The following PCNX2 variants were observed in gnomAD, a reference collection of about 807,000 sequenced individuals.
The protein encoded by PCNX2 is pecanex-like protein 2.
Under a neutral mutation model 223.8 loss-of-function variants are expected in PCNX2, and 168 were observed. The observed-to-expected ratio is 0.75, with a 90% CI of 0.66 to 0.85. PCNX2 has a LOEUF of 0.85. Ranked by LOEUF, PCNX2 falls within the 40% of genes least tolerant of loss-of-function variation. PCNX2 has a pLI of 0.00. For synonymous variants in PCNX2, 1,006 were observed against 1,052.6 expected (o/e 0.96, Z 0.86); for missense variants, 2,507 against 2,675.5 (o/e 0.94, Z 1.39).
intron 21 of PCNX2, among the ~76,000 whole-genome samples, chr1:233,118,668 G>A (rs1046509357): frequency 6.6e-6 from 1 of 151,980 alleles, no homozygotes; most frequent in South Asian, 2.1e-4. Flanking sequence ...CAAAACTTGT[G>A]CAGAATTTAT....
At chr1:233,102,862 T>C (rs1025523915) in intron 21 of PCNX2, among the ~76,000 whole-genome samples, 3 of 152,184 alleles carry the variant, frequency 2.0e-5, no homozygotes, top group African/African-American at 7.2e-5. Flanking sequence ...AGAAGCTTTT[T>C]AGCTTGATAT....
chr1:233,158,828 A>G (rs1678286626), intron 19 of PCNX2, among the ~76,000 whole-genome samples: 1 of 152,190 alleles, frequency 6.6e-6, no homozygotes, highest in African/African-American at 2.4e-5. Flanking sequence ...TTTGAATGAA[A>G]GGGAAATATA....
intron 23 of PCNX2, chr1:233,057,843 G>C: frequency 1.0e-6 from 1 of 952,742 alleles, no homozygotes; most frequent in Non-Finnish European, 1.2e-6. Flanking sequence ...CTGGGTGACA[G>C]AGCAAGACTC....
intron 1 of PCNX2, among the ~76,000 whole-genome samples, chr1:233,267,289 C>A (rs574754015): frequency 6.6e-6 from 1 of 152,258 alleles, no homozygotes; most frequent in African/African-American, 2.4e-5. Flanking sequence ...CCATTGCACT[C>A]TAGCCTGGGC....
chr1:233,208,219 G>A (rs1291134981), intron 13 of PCNX2, among the ~76,000 whole-genome samples: 2 of 152,110 alleles, frequency 1.3e-5, no homozygotes, highest in Admixed American at 6.5e-5. Context: ...TCGGCCTCCC[G>A]AAGTGCTAGG....
chr1:233,057,497 G>C (rs1332674965), intron 23 of PCNX2: 3 of 536,182 alleles, frequency 5.6e-6, no homozygotes, highest in Non-Finnish European at 1.0e-5. Context: ...ACATGGAAGG[G>C]AGAGATGAGT....
intron 15 of PCNX2, among the ~76,000 whole-genome samples, chr1:233,191,465 A>C (rs910784264): frequency 7.9e-5 from 12 of 152,322 alleles, no homozygotes; most frequent in Admixed American, 6.5e-4. Context: ...TGGCATCAAG[A>C]ACATCAAGAA....
intron 15 of PCNX2, among the ~76,000 whole-genome samples, chr1:233,193,312 A>G (rs988229665): frequency 4.6e-5 from 7 of 152,070 alleles, no homozygotes; most frequent in African/African-American, 1.7e-4. Flanking sequence ...GAAAAATTAA[A>G]TCATATTATG....
At position 233,172,580 on chromosome 1, in the gene PCNX2, T is replaced by C. The variant is rs551134690; in HGVS notation, c.3273+5222A>G. On this transcript the variant is annotated intron_variant, in intron 17 of 33. Transcript: ENST00000258229. Reference sequence around the variant, plus strand: ...GGTGTCCCAGGCTGATGATCCATGGTCTGGCATTGGACACCCACCTGGGCT... The same window carrying C: ...GGTGTCCCAGGCTGATGATCCATGGCCTGGCATTGGACACCCACCTGGGCT... The C allele has an allele frequency of 2.9e-4, 288 of 981,718 alleles. 3 individuals are homozygous for C. In the South Asian group the frequency reaches 4.7e-3, roughly 16 times the overall value. 60.8% of individuals were successfully genotyped at this position (981,718 alleles called of 1,614,324 possible). A position where few individuals can be genotyped will look rare whatever the true frequency, so the allele number is the denominator to read the frequency against.
chr1:233,201,285 A>G (rs1439200028), intron 13 of PCNX2, among the ~76,000 whole-genome samples: 1 of 152,054 alleles, frequency 6.6e-6, no homozygotes, highest in Non-Finnish European at 1.5e-5. Flanking sequence ...TTTTGTTGTG[A>G]TAATTTTTGT....
At chr1:233,199,516 G>A (rs1334377571) in intron 14 of PCNX2, among the ~76,000 whole-genome samples, 1 of 151,968 alleles carries the variant, frequency 6.6e-6, no homozygotes, top group African/African-American at 2.4e-5. Context: ...TTATGCACAT[G>A]ATTTCATTTA....
chr1:233,318,218 G>T, the PCNX2 span, among the ~76,000 whole-genome samples: 1 of 152,050 alleles, frequency 6.6e-6, no homozygotes, highest in Non-Finnish European at 1.5e-5. Context: ...GAAAGGTTTG[G>T]GGAAAAATAA....
intron 17 of PCNX2, among the ~76,000 whole-genome samples, chr1:233,165,897 C>T (rs1244187343): frequency 6.6e-6 from 1 of 151,936 alleles, no homozygotes; most frequent in Non-Finnish European, 1.5e-5. Flanking sequence ...GCAATAGACC[C>T]TAGAATAGCT....
intron 10 of PCNX2, among the ~76,000 whole-genome samples, chr1:233,226,272 T>C (rs1005230341): frequency 2.6e-5 from 4 of 152,018 alleles, no homozygotes; most frequent in African/African-American, 9.7e-5. Flanking sequence ...TGTTTTCTTT[T>C]TTCTGGGTGG....
intron 21 of PCNX2, among the ~76,000 whole-genome samples, chr1:233,131,932 C>T (rs1355516548): frequency 7.5e-6 from 1 of 132,728 alleles, no homozygotes; most frequent in Admixed American, 8.8e-5. Context: ...TTGTGGATTT[C>T]GTTTTAGATC....
intron 9 of PCNX2, chr1:233,233,019 A>G: frequency 1.0e-6 from 1 of 985,382 alleles, no homozygotes; most frequent in Non-Finnish European, 1.2e-6. Flanking sequence ...ATGGAAGCGG[A>G]AAATGCTGTA....
intron 21 of PCNX2, among the ~76,000 whole-genome samples, chr1:233,099,993 C>G (rs1674390600): frequency 6.6e-6 from 1 of 152,214 alleles, no homozygotes; most frequent in African/African-American, 2.4e-5. Flanking sequence ...TAACATTCTA[C>G]TTCCAAGATC....
At chr1:233,037,537 G>A (rs758147446) in intron 25 of PCNX2, among the ~76,000 whole-genome samples, 2 of 130,996 alleles carry the variant, frequency 1.5e-5, no homozygotes, top group Non-Finnish European at 3.4e-5. Context: ...TTAGAGATGG[G>A]GTTTCACTAT....
At chr1:233,156,132 G>A (rs1186340548) in intron 19 of PCNX2, among the ~76,000 whole-genome samples, 2 of 152,124 alleles carry the variant, frequency 1.3e-5, no homozygotes, top group East Asian at 1.9e-4. Context: ...TCAAGGTTGG[G>A]AGGAGATAAT....
Sources: gnomAD v4.1 joint callset for allele counts (sites outside exome capture counted in the v4.1 genomes callset) on GRCh38, gnomAD v4.1.1 for gene constraint, MANE v1.5 for transcripts, NCBI Gene and HGNC (gene_info 2026-07-23, HGNC 2026-07-21) for gene names.